Variants in NOX1 observed in about 807,000 individuals in gnomAD.
NOX1 encodes NADPH oxidase 1, also known as NADH/NADPH mitogenic oxidase subunit P65-MOX.
NOX1 carries 34 observed loss-of-function variants against 42.5 expected under a neutral mutation model. That is an observed-to-expected ratio of 0.80 (90% CI 0.61 to 1.07). NOX1 has a LOEUF of 1.07. Ranked by LOEUF, NOX1 falls within the 50% of genes least tolerant of loss-of-function variation. The probability of loss-of-function intolerance (pLI) is 0.00; values close to 1 mark genes in which losing one functional copy is unlikely to be tolerated. For synonymous variants in NOX1, 143 were observed against 152.5 expected (o/e 0.94, Z 0.46); for missense variants, 408 against 427.0 (o/e 0.96, Z 0.39).
intron 7 of NOX1, chrX:100,855,534 T>A (rs2085160799): frequency 1.3e-6 from 1 of 751,821 alleles, no homozygotes; most frequent in East Asian, 3.2e-5. Context: ...GCCTCCCTTG[T>A]TACAGCTGTC....
At chrX:100,868,429 C>T (rs939356302) in intron 2 of NOX1, among the ~76,000 whole-genome samples, 3 of 111,498 alleles carry the variant, frequency 2.7e-5, no homozygotes, top group Admixed American at 1.9e-4. Flanking sequence ...AGGCAGCATC[C>T]GGGTTCATCA....
chrX:100,864,059 G>A (rs956131998), intron 2 of NOX1, among the ~76,000 whole-genome samples: 8 of 111,534 alleles, frequency 7.2e-5, no homozygotes, highest in Non-Finnish European at 1.5e-4. Flanking sequence ...GCGAGATATC[G>A]GCTCACTGCA....
At position 100,854,469 on chromosome X, in the gene NOX1, C is replaced by T. The variant is rs6616192; in HGVS notation, c.805-3144G>A. 6.2e-3 allele frequency among the ~76,000 whole-genome samples: 685 copies of T among 111,270 alleles called. 13 individuals carry two copies. The East Asian group carries it at 0.086, about 14-fold the overall frequency. Reference sequence around the variant, plus strand: ...CAAATAGACCAACTATAACTTAACTCAGGTAATAGATGAGAAAAAGACAGA... The same window carrying T: ...CAAATAGACCAACTATAACTTAACTTAGGTAATAGATGAGAAAAAGACAGA... On this transcript the variant is annotated intron_variant, in intron 7 of 12. Coordinates refer to ENST00000372966, the MANE Select transcript of NOX1 (RefSeq NM_007052.5).
chrX:100,870,714 C>G lies in NOX1; in HGVS notation c.141+5G>C, dbSNP rs778401410. On this transcript the variant is annotated splice_donor_5th_base_variant and intron_variant, in intron 2 of 12. Coordinates refer to ENST00000372966, the MANE Select transcript of NOX1 (RefSeq NM_007052.5). The stretch of plus-strand genomic sequence containing the variant: ...GATTCTATCCGTGACAACCGTGATA[C>G]TCACCCCAAGGATTTTTCTTGTGTA... 1.2e-4 allele frequency: 129 copies of G among 1,087,119 alleles called. 1 individual carries two copies. The South Asian group carries it at 2.3e-3, about 19-fold the overall frequency. 89.6% of individuals were successfully genotyped at this position (1,087,119 alleles called of 1,213,427 possible).
At chrX:100,854,145 CA>C (rs200673560) in intron 7 of NOX1, among the ~76,000 whole-genome samples, 3 of 107,157 alleles carry the variant, frequency 2.8e-5, no homozygotes, top group African/African-American at 6.8e-5. Context: ...TGTCTCAAAA[CA>C]AAAAAAAATG....
chrX:100,869,358 C>A (rs2085258650), intron 2 of NOX1, among the ~76,000 whole-genome samples: 1 of 108,363 alleles, frequency 9.2e-6, no homozygotes, highest in African/African-American at 3.4e-5. Flanking sequence ...TTGTAGTTCT[C>A]CTTGAAGAGG....
At chrX:100,872,919 A>G (rs1229036893) in intron 1 of NOX1, among the ~76,000 whole-genome samples, 1 of 109,625 alleles carries the variant, frequency 9.1e-6, no homozygotes, top group Non-Finnish European at 1.9e-5. Flanking sequence ...AACTCAATAT[A>G]AGGCATTGAG....
chrX:100,856,505 G>T, intron 7 of NOX1: 2 of 307,694 alleles, frequency 6.5e-6, no homozygotes, highest in Non-Finnish European at 1.1e-5. Flanking sequence ...CCCTGGTTAT[G>T]ATCTTATAAT....
intron 2 of NOX1, among the ~76,000 whole-genome samples, chrX:100,865,741 G>C (rs748366582): frequency 8.9e-6 from 1 of 112,624 alleles, no homozygotes; most frequent in African/African-American, 3.2e-5. Flanking sequence ...GGGAGGAAGG[G>C]GATTCCTGAT....
intron 12 of NOX1, among the ~76,000 whole-genome samples, chrX:100,847,005 T>A (rs1035464031): frequency 2.2e-4 from 24 of 111,570 alleles, no homozygotes; most frequent in Non-Finnish European, 2.8e-4. Flanking sequence ...CTGGCCAATA[T>A]GGCGAAACCC....
At chrX:100,863,739 A>G in intron 2 of NOX1, 144 bp from the exon 3 acceptor site, 1 of 962,128 alleles carries the variant, frequency 1.0e-6, no homozygotes, top group Admixed American at 4.1e-5. Flanking sequence ...TAACACCATC[A>G]GGCCAGGCTC....
chrX:100,870,905 C>T (rs1040238754), intron 1 of NOX1, 91 bp from the exon 2 acceptor site: 33 of 560,879 alleles, frequency 5.9e-5, no homozygotes, highest in Non-Finnish European at 7.7e-5. Context: ...ATAGTGTCGC[C>T]GTTTTGGCTA....
At chrX:100,856,087 T>C in intron 7 of NOX1, 3 of 1,077,422 alleles carry the variant, frequency 2.8e-6, no homozygotes, top group Admixed American at 2.2e-5. Flanking sequence ...AGTGGGCACC[T>C]GGTCTTTGAG....
At chrX:100,867,326 T>A (rs746837229) in intron 2 of NOX1, among the ~76,000 whole-genome samples, 14 of 112,542 alleles carry the variant, frequency 1.2e-4, no homozygotes, top group Non-Finnish European at 1.7e-4. Flanking sequence ...GGCAAAAAAA[T>A]GTTTTTAAAT....
rs2085269200 is a variant in NOX1, at chrX:100,870,749, G to A, written c.111C>T (p.Asp37=). ...VDAFLKYEKA[D]KYYYTRKILG... ...GGATTTTTCTTGTGTAGTAGTATTT[G>A]TCGGCCTTCTCATATTTCAGGAAGG... The change falls in exon 2 of 13, where the codon GAC becomes GAT. Residue 37 remains aspartate (D), a synonymous_variant. Transcript: ENST00000372966. The A allele has an allele frequency of 8.4e-7, 1 of 1,192,820 alleles. No homozygotes were observed. Among genetic ancestry groups the A allele is most frequent in the African/African-American group, 1.8e-5 (1 of 56,580 alleles).
In NOX1 at chrX:100,863,466, A is replaced by G. The variant is rs745524221; in HGVS notation, c.252+19T>C. On this transcript the variant is annotated intron_variant, in intron 3 of 12. Coordinates refer to ENST00000372966, the MANE Select transcript of NOX1 (RefSeq NM_007052.5). ...CCTTCTTTAATGTGAAAGTTGACTT[A>G]GGAGTGGTTGGGACTCACTGAGCAG... is the stretch of plus-strand genomic sequence containing the variant. The G allele has an allele frequency of 4.2e-6, 5 of 1,200,832 alleles. No individual in the cohort carries two copies. The South Asian group carries it at 7.1e-5, about 17-fold the overall frequency.
At chrX:100,853,296 T>TTCCTCTCTTTC (rs2085134720) in intron 7 of NOX1, among the ~76,000 whole-genome samples, 2 of 63,846 alleles carry the variant, frequency 3.1e-5, no homozygotes, top group African/African-American at 1.5e-4. Flanking sequence ...CTTTCTTTCT[T>TTCCTCTCTTTC]TCTTTCTTTC....
rs920755884 is a variant in NOX1 at position 100,862,376 on chromosome X, G to T, written c.671+16C>A. The stretch of plus-strand genomic sequence containing the variant: ...TCAGGGGCTGGGGCATGAGAATGAG[G>T]GTTCGAGGATCTTACCCAATGCCGT... On this transcript the variant is annotated intron_variant, in intron 6 of 12. Coordinates refer to ENST00000372966, the MANE Select transcript of NOX1 (RefSeq NM_007052.5). 7 of 1,209,459 alleles carry T rather than the reference G, an allele frequency of 5.8e-6. No homozygotes were observed. The highest frequency in any genetic ancestry group is 4.3e-5 in the Admixed American group (2 of 46,034).
chrX:100,848,945 G>A (rs369360220), intron 11 of NOX1, among the ~76,000 whole-genome samples, 191 bp from the exon 12 acceptor site: 52 of 111,702 alleles, frequency 4.7e-4, no homozygotes, highest in African/African-American at 1.7e-3. Flanking sequence ...GCATGGTGGC[G>A]CATGCCTGTA....
Sources: gnomAD v4.1 joint callset for allele counts (sites outside exome capture counted in the v4.1 genomes callset) on GRCh38, gnomAD v4.1.1 for gene constraint, MANE v1.5 for transcripts, NCBI Gene and HGNC (gene_info 2026-07-23, HGNC 2026-07-21) for gene names.